The following VEZT variants were observed in gnomAD, a reference collection of about 807,000 sequenced individuals.
The protein encoded by VEZT is vezatin, adherens junctions transmembrane protein, also known as vezatin.
VEZT carries 39 observed loss-of-function variants against 79.9 expected under a neutral mutation model. That is an observed-to-expected ratio of 0.49 (90% CI 0.38 to 0.64). The LOEUF is 0.64. VEZT is among the 30% of genes least tolerant of loss of function. VEZT has a pLI of 0.00. For synonymous variants in VEZT, 325 were observed against 327.6 expected, an observed-to-expected ratio of 0.99 and a Z score of 0.09; for missense variants, 837 against 893.1, an observed-to-expected ratio of 0.94 and a Z score of 0.80.
intron 3 of VEZT, chr12:95,262,332 G>A (rs543720863): frequency 6.6e-6 from 1 of 152,308 alleles, no homozygotes; most frequent in African/African-American, 2.4e-5. Context: ...GCTTATAGAA[G>A]ATATTCCTTG....
At chr12:95,238,403 T>C (rs2060464398) in intron 1 of VEZT, among the ~76,000 whole-genome samples, 1 of 152,182 alleles carries the variant, frequency 6.6e-6, no homozygotes, top group South Asian at 2.1e-4. Flanking sequence ...TACTACATTG[T>C]TTTTCAGGCT....
At chr12:95,290,184 C>T (rs2072356309) in intron 9 of VEZT, among the ~76,000 whole-genome samples, 1 of 152,122 alleles carries the variant, frequency 6.6e-6, no homozygotes, top group Non-Finnish European at 1.5e-5. Context: ...TTCTCCTTTT[C>T]CTTAAAGTCT....
At chr12:95,258,686 T>C (rs1382045183) in intron 3 of VEZT, among the ~76,000 whole-genome samples, 1 of 152,126 alleles carries the variant, frequency 6.6e-6, no homozygotes. Flanking sequence ...TCTTAAAAAT[T>C]AAAAAAATCC....
At chr12:95,251,734 T>C (rs1217126782) in intron 1 of VEZT, among the ~76,000 whole-genome samples, 2 of 152,214 alleles carry the variant, frequency 1.3e-5, no homozygotes, top group African/African-American at 2.4e-5. Context: ...AGTTTTTCCT[T>C]TTTTGGGTTC....
At chr12:95,220,540 C>T (rs756323609) in intron 1 of VEZT, among the ~76,000 whole-genome samples, 1 of 152,154 alleles carries the variant, frequency 6.6e-6, no homozygotes, top group Non-Finnish European at 1.5e-5. Flanking sequence ...ACTCCCTACC[C>T]CAAAATGATC....
At chr12:95,266,266 C>T (rs2065515597) in intron 4 of VEZT, 91 bp from the exon 5 acceptor site, 7 of 1,365,580 alleles carry the variant, frequency 5.1e-6, no homozygotes, top group African/African-American at 2.9e-5. Flanking sequence ...TTTAGTAAAC[C>T]TAAATTTAAA....
At position 95,257,244 on chromosome 12, in the gene VEZT, G is replaced by A; in HGVS notation, c.258+5G>A. ...GATGACTTACTTCACAAGTTGGTAAGTGGTCACTTCTTTTTGCCACTTTTC... is the reference window on the plus strand; with the variant it reads ...GATGACTTACTTCACAAGTTGGTAAATGGTCACTTCTTTTTGCCACTTTTC... On this transcript the variant is annotated splice_donor_5th_base_variant and intron_variant, in intron 3 of 11. Coordinates refer to ENST00000436874, the MANE Select transcript of VEZT (RefSeq NM_017599.4). The A allele has an allele frequency of 6.2e-7, 1 of 1,600,330 alleles. No homozygotes were observed. Among genetic ancestry groups the A allele is most frequent in the Non-Finnish European group, 8.5e-7 (1 of 1,173,114 alleles).
intron 1 of VEZT, among the ~76,000 whole-genome samples, chr12:95,230,482 A>ATCATAGC (rs2059119724): frequency 6.7e-6 from 1 of 150,102 alleles, no homozygotes; most frequent in African/African-American, 2.5e-5. Context: ...AAGTATTGCA[A>ATCATAGC]TCATAGCTCA....
chr12:95,234,521 C>T (rs372735540), intron 1 of VEZT, among the ~76,000 whole-genome samples: 2 of 151,998 alleles, frequency 1.3e-5, no homozygotes. Context: ...TCTTGAACAC[C>T]TAACCCCAGG....
intron 1 of VEZT, among the ~76,000 whole-genome samples, chr12:95,246,384 A>T (rs536050098): frequency 2.0e-4 from 31 of 152,104 alleles, no homozygotes; most frequent in African/African-American, 7.5e-4. Flanking sequence ...TGGCCTCCCA[A>T]AGTGCTGGGA....
chr12:95,243,836 T>C, intron 1 of VEZT: 1 of 402,688 alleles, frequency 2.5e-6, no homozygotes, highest in South Asian at 1.8e-5. Flanking sequence ...TGGGAACTGA[T>C]TAATTCCTGA....
rs1594312620 is a variant in VEZT, at chr12:95,300,159, T to A, written c.1832-6T>A. On this transcript the variant is annotated splice_polypyrimidine_tract_variant and splice_region_variant and intron_variant, in intron 11 of 11. Coordinates refer to ENST00000436874, the MANE Select transcript of VEZT (RefSeq NM_017599.4). The stretch of plus-strand genomic sequence containing the variant: ...TTTTTTCTTTTTTCTTTTTTTTTAT[T>A]TGAAGCCGTGTTGAAATCCTTGTCT... 7.2e-7 allele frequency: 1 copy of A among 1,394,248 alleles called. No individual in the cohort carries two copies. Among genetic ancestry groups the A allele is most frequent in the Non-Finnish European group, 9.4e-7 (1 of 1,067,166 alleles). 86.4% of individuals were successfully genotyped at this position (1,394,248 alleles called of 1,614,324 possible).
At chr12:95,251,407 A>G (rs1382764969) in intron 1 of VEZT, among the ~76,000 whole-genome samples, 2 of 152,218 alleles carry the variant, frequency 1.3e-5, no homozygotes, top group East Asian at 3.8e-4. Flanking sequence ...TATCTAAGGT[A>G]ACATTATTGA....
At chr12:95,293,539 T>G (rs533669491) in intron 9 of VEZT, 9 of 152,350 alleles carry the variant, frequency 5.9e-5, no homozygotes, top group African/African-American at 2.2e-4. Flanking sequence ...TAAAAGATAT[T>G]TCCTTGTGAA....
chr12:95,258,217 G>A (rs940316319), intron 3 of VEZT: 7 of 455,594 alleles, frequency 1.5e-5, no homozygotes, highest in African/African-American at 1.0e-4. Flanking sequence ...GTGTCTTATC[G>A]TCTACATATA....
intron 2 of VEZT, among the ~76,000 whole-genome samples, chr12:95,255,136 G>A (rs899773309): frequency 6.6e-6 from 1 of 151,626 alleles, no homozygotes; most frequent in East Asian, 1.9e-4. Flanking sequence ...TCTAAAATAG[G>A]ACTTCCTCAG....
chr12:95,236,690 C>T (rs568759564), intron 1 of VEZT, among the ~76,000 whole-genome samples: 1 of 152,024 alleles, frequency 6.6e-6, no homozygotes, highest in African/African-American at 2.4e-5. Flanking sequence ...CCTGCTTCAG[C>T]CTCTCCAGTA....
intron 1 of VEZT, among the ~76,000 whole-genome samples, chr12:95,223,812 T>C (rs2136521416): frequency 1.3e-5 from 2 of 152,352 alleles, no homozygotes; most frequent in African/African-American, 4.8e-5. Flanking sequence ...AATTTGTTTG[T>C]GGTTTTAAAT....
intron 9 of VEZT, 90 bp from the exon 10 acceptor site, chr12:95,294,182 T>G: frequency 9.2e-7 from 1 of 1,091,660 alleles, no homozygotes; most frequent in Non-Finnish European, 1.3e-6. Context: ...CCACCACACC[T>G]GGCCCCAAGG....
Sources: allele counts gnomAD v4.1 joint callset (sites outside exome capture counted in the v4.1 genomes callset), GRCh38; gene constraint gnomAD v4.1.1; transcripts MANE v1.5; gene names NCBI Gene and HGNC (gene_info 2026-07-23, HGNC 2026-07-21).